SDK1: variants seen among roughly 807,000 people sequenced by gnomAD.
SDK1 encodes sidekick cell adhesion molecule 1.
In SDK1, 157 loss-of-function variants were observed where a neutral mutation model predicts 245.5. The observed-to-expected ratio is 0.64, with a 90% confidence interval of 0.56 to 0.73. The LOEUF (loss-of-function observed/expected upper bound fraction) is 0.73. Among genes scored for constraint, SDK1 ranks in the 30% least tolerant of loss-of-function variants. The pLI is 0.00. For missense variants in SDK1, 3,583 were observed against 3,002.3 expected (o/e 1.19, Z -4.52); for synonymous variants, 1,647 against 1,278.5 (o/e 1.29, Z -6.15).
intron 1 of SDK1, among the ~76,000 whole-genome samples, chr7:3,397,612 TTCTG>T (rs1175457817): frequency 6.6e-6 from 1 of 152,032 alleles, no homozygotes; most frequent in Non-Finnish European, 1.5e-5. Flanking sequence ...GTTTTACAGA[TTCTG>T]TCTTTGAACA....
At chr7:3,979,094 G>A (rs1315232395) in intron 13 of SDK1, among the ~76,000 whole-genome samples, 2 of 152,174 alleles carry the variant, frequency 1.3e-5, no homozygotes, top group Non-Finnish European at 2.9e-5. Flanking sequence ...AGGAGCAAAG[G>A]GCTGCACAGG....
chr7:3,628,113 C>G (rs1782175966), intron 2 of SDK1, among the ~76,000 whole-genome samples: 1 of 152,082 alleles, frequency 6.6e-6, no homozygotes, highest in African/African-American at 2.4e-5. Context: ...AGTGTGACAT[C>G]TTCATTTTCC....
intron 13 of SDK1, among the ~76,000 whole-genome samples, chr7:3,978,960 T>C (rs1169158289): frequency 6.6e-6 from 1 of 152,200 alleles, no homozygotes; most frequent in Non-Finnish European, 1.5e-5. Flanking sequence ...CACGTCTGTT[T>C]GCCCCGAGTT....
intron 1 of SDK1, among the ~76,000 whole-genome samples, chr7:3,378,225 C>G (rs946009656): frequency 2.6e-5 from 4 of 152,156 alleles, no homozygotes; most frequent in Non-Finnish European, 5.9e-5. Context: ...AAGAGTCCCT[C>G]ATAGTTTTGG....
chr7:3,649,121 T>A (rs1360766593), intron 4 of SDK1, among the ~76,000 whole-genome samples: 1 of 152,060 alleles, frequency 6.6e-6, no homozygotes, highest in Non-Finnish European at 1.5e-5. Context: ...TCAGTGGGTG[T>A]GTTCTGATAT....
chr7:3,880,050 A>C (rs901929145), intron 5 of SDK1, among the ~76,000 whole-genome samples: 9 of 152,206 alleles, frequency 5.9e-5, no homozygotes, highest in Non-Finnish European at 2.9e-5. Flanking sequence ...TAATCAAGAA[A>C]AATAATGCCG....
chr7:3,885,023 TC>T lies in SDK1; in HGVS notation c.847+63445del, dbSNP rs539089169. Reference sequence around the variant, plus strand: ...TTCACCCTTGACCTCCTAGTGTGTCTCCCCCGACCCCCACCCCGCCCCATCT... The same window carrying T: ...TTCACCCTTGACCTCCTAGTGTGTCTCCCCGACCCCCACCCCGCCCCATCT... On this transcript the variant is annotated intron_variant, in intron 5 of 44. Transcript: ENST00000404826. Among the ~76,000 whole-genome samples, 666 of 152,128 alleles carry T rather than the reference TC, an allele frequency of 4.4e-3. 7 individuals carry two copies. The highest frequency in any genetic ancestry group is 0.016 in the African/African-American group (645 of 41,494).
chr7:3,313,926 C>T lies in SDK1; in HGVS notation c.298+12042C>T, dbSNP rs116997302. ...ACAATAAATATATACAAATTTTTGTCAAAATTTTAAAAATGTATGTGAGCA... is the reference window on the plus strand; with the variant it reads ...ACAATAAATATATACAAATTTTTGTTAAAATTTTAAAAATGTATGTGAGCA... On this transcript the variant is annotated intron_variant, in intron 1 of 44. Coordinates refer to ENST00000404826, the MANE Select transcript of SDK1 (RefSeq NM_152744.4). Among the ~76,000 whole-genome samples the T allele has an allele frequency of 6.7e-4, 102 of 152,184 alleles. 1 individual carries two copies. The East Asian group carries it at 0.017, about 25-fold the overall frequency.
intron 5 of SDK1, among the ~76,000 whole-genome samples, chr7:3,884,166 G>A (rs1278010596): frequency 6.6e-6 from 1 of 150,632 alleles, no homozygotes; most frequent in African/African-American, 2.4e-5. Flanking sequence ...CTGCAGCCTC[G>A]ACCTCCTGGG....
At chr7:3,433,954 T>G (rs1019818678) in intron 1 of SDK1, among the ~76,000 whole-genome samples, 1 of 152,200 alleles carries the variant, frequency 6.6e-6, no homozygotes, top group African/African-American at 2.4e-5. Context: ...TAGGATACTT[T>G]GCGCATAACT....
At chr7:3,974,239 G>T in intron 12 of SDK1, 130 bp from the exon 13 acceptor site, 3 of 603,566 alleles carry the variant, frequency 5.0e-6, no homozygotes, top group Non-Finnish European at 8.5e-6. Context: ...CTCTTTTAAA[G>T]AGCACAGTTC....
intron 1 of SDK1, among the ~76,000 whole-genome samples, chr7:3,325,113 C>CT (rs750169876): frequency 8.8e-4 from 129 of 145,814 alleles, no homozygotes; most frequent in Admixed American, 1.9e-3. Flanking sequence ...TACCAAACCA[C>CT]TTTTTTTTTT....
chr7:3,379,967 G>A (rs890711409), intron 1 of SDK1, among the ~76,000 whole-genome samples: 1 of 152,154 alleles, frequency 6.6e-6, no homozygotes, highest in African/African-American at 2.4e-5. Flanking sequence ...AAGGCTCTCT[G>A]GTCCTGAACC....
intron 1 of SDK1, among the ~76,000 whole-genome samples, chr7:3,373,067 A>G (rs760084252): frequency 6.6e-6 from 1 of 152,220 alleles, no homozygotes; most frequent in African/African-American, 2.4e-5. Flanking sequence ...GTATTAAGAA[A>G]TTTCCTATAC....
chr7:3,580,583 C>T (rs1313340902), intron 1 of SDK1, among the ~76,000 whole-genome samples: 1 of 152,080 alleles, frequency 6.6e-6, no homozygotes, highest in Admixed American at 6.5e-5. Flanking sequence ...GGATAACTGA[C>T]TAGGCATATG....
chr7:4,265,564 G>T lies in SDK1; in HGVS notation c.*180G>T. ...TTCAATTAGGAAGGTTTTTTTAAACGGCTTTTTGTAACTTCGCTGCAGGAA... is the reference window on the plus strand; with the variant it reads ...TTCAATTAGGAAGGTTTTTTTAAACTGCTTTTTGTAACTTCGCTGCAGGAA... On this transcript the variant is annotated 3_prime_UTR_variant, in exon 45 of 45. Coordinates refer to ENST00000404826, the MANE Select transcript of SDK1 (RefSeq NM_152744.4). 7.5e-7 allele frequency: 1 copy of T among 1,341,598 alleles called. No homozygotes were observed. 83.1% of individuals were successfully genotyped at this position (1,341,598 alleles called of 1,614,324 possible). A position where few individuals can be genotyped will look rare whatever the true frequency, so the allele number is the denominator to read the frequency against.
intron 5 of SDK1, among the ~76,000 whole-genome samples, chr7:3,869,488 G>A (rs1780906441): frequency 6.6e-6 from 1 of 152,060 alleles, no homozygotes; most frequent in East Asian, 1.9e-4. Context: ...TTTCAGTCAG[G>A]TGTGCAAGCC....
intron 5 of SDK1, among the ~76,000 whole-genome samples, chr7:3,829,114 C>T (rs147686717): frequency 5.1e-4 from 77 of 152,212 alleles, no homozygotes; most frequent in African/African-American, 1.8e-3. Context: ...AGATGCGCTG[C>T]GGTAGTTTTA....
intron 5 of SDK1, among the ~76,000 whole-genome samples, chr7:3,944,549 A>G (rs1212857681): frequency 6.6e-6 from 1 of 152,238 alleles, no homozygotes; most frequent in Non-Finnish European, 1.5e-5. Flanking sequence ...TATATCTCAG[A>G]TATGCAAATA....
Sources: gnomAD v4.1 joint callset for allele counts (sites outside exome capture counted in the v4.1 genomes callset) on GRCh38, gnomAD v4.1.1 for gene constraint, MANE v1.5 for transcripts, NCBI Gene and HGNC (gene_info 2026-07-23, HGNC 2026-07-21) for gene names.